Variants in ANKS1B observed in about 807,000 individuals in gnomAD.
ANKS1B encodes the protein ankyrin repeat and sterile alpha motif domain containing 1B.
ANKS1B carries 36 observed loss-of-function variants against 148.3 expected under a neutral mutation model. That is an observed-to-expected ratio of 0.24 (90% CI 0.19 to 0.32). The LOEUF (loss-of-function observed/expected upper bound fraction) is 0.32. Among genes scored for constraint, ANKS1B ranks in the 10% least tolerant of loss-of-function variants. The pLI is 1.00. For synonymous variants in ANKS1B, 542 were observed against 560.8 expected, an observed-to-expected ratio of 0.97 and a Z score of 0.47; for missense variants, 1,157 against 1,542.6, an observed-to-expected ratio of 0.75 and a Z score of 4.19.
chr12:99,772,784 T>A lies in ANKS1B; in HGVS notation c.1128+138A>T, dbSNP rs79055609. 2,508 of 869,826 alleles carry A rather than the reference T, an allele frequency of 2.9e-3. 54 individuals are homozygous for A. The African/African-American group carries it at 0.04, about 14-fold the overall frequency. The allele number at this position is 869,826 out of a possible 1,614,324, so 53.9% of individuals were successfully genotyped here. On this transcript the variant is annotated intron_variant, in intron 8 of 26. Transcript: ENST00000683438. ...ACTGCGAGTAAAACCCCAAAGAACG[T>A]CAGGAAAAGAGCAATAAGGAAACTG... is the stretch of plus-strand genomic sequence containing the variant.
chr12:99,099,648 A>G (rs1198792266), intron 15 of ANKS1B: 1 of 152,226 alleles, frequency 6.6e-6, no homozygotes, highest in Admixed American at 6.5e-5. Context: ...TTGGATAAAA[A>G]CACAAAATAT....
intron 1 of ANKS1B, among the ~76,000 whole-genome samples, chr12:99,841,945 T>C (rs570542399): frequency 5.9e-5 from 9 of 152,210 alleles, no homozygotes; most frequent in African/African-American, 1.7e-4. Context: ...CAAATGTCTA[T>C]TGGATATGTT....
chr12:99,353,777 C>A (rs1397590278), intron 12 of ANKS1B, among the ~76,000 whole-genome samples: 1 of 137,290 alleles, frequency 7.3e-6, no homozygotes, highest in East Asian at 2.2e-4. Context: ...CTTCTAGGGC[C>A]AGGTCCCTTA....
At chr12:99,854,592 G>C (rs2088653576) in intron 1 of ANKS1B, among the ~76,000 whole-genome samples, 1 of 152,140 alleles carries the variant, frequency 6.6e-6, no homozygotes. Flanking sequence ...TAGGTACACA[G>C]TCCTCAGTTT....
intron 9 of ANKS1B, among the ~76,000 whole-genome samples, chr12:99,607,690 G>T (rs1291229781): frequency 6.6e-6 from 1 of 152,026 alleles, no homozygotes; most frequent in Non-Finnish European, 1.5e-5. Flanking sequence ...TATGGAGAAG[G>T]CTTCTGAGAC....
chr12:99,011,165 C>T (rs1222607416), intron 17 of ANKS1B, among the ~76,000 whole-genome samples: 1 of 152,070 alleles, frequency 6.6e-6, no homozygotes, highest in Non-Finnish European at 1.5e-5. Flanking sequence ...ATCCAGATAC[C>T]TTGGCTGAGC....
intron 9 of ANKS1B, among the ~76,000 whole-genome samples, chr12:99,613,989 C>T (rs1193450737): frequency 6.6e-6 from 1 of 151,916 alleles, no homozygotes; most frequent in Non-Finnish European, 1.5e-5. Context: ...TTCTAAATAT[C>T]CCAGATTTAA....
chr12:99,841,564 T>C lies in ANKS1B; in HGVS notation c.135-16175A>G, dbSNP rs886751662. Among the ~76,000 whole-genome samples the C allele has an allele frequency of 3.3e-5, 5 of 152,192 alleles. No individual in the cohort carries two copies. The South Asian group carries it at 6.2e-4, about 19-fold the overall frequency. Reference sequence around the variant, plus strand: ...AGTTTCCAGAATAATTCAACCAACATAGAAATTGATTATGTTAATTGAATA... The same window carrying C: ...AGTTTCCAGAATAATTCAACCAACACAGAAATTGATTATGTTAATTGAATA... On this transcript the variant is annotated intron_variant, in intron 1 of 26. Transcript: ENST00000683438.
At chr12:99,307,432 C>T (rs1362296598) in intron 12 of ANKS1B, among the ~76,000 whole-genome samples, 1 of 152,028 alleles carries the variant, frequency 6.6e-6, no homozygotes, top group African/African-American at 2.4e-5. Context: ...GTGGGTGAAA[C>T]TCTCCCTGAA....
chr12:98,756,944 G>C (rs989705103), intron 25 of ANKS1B, among the ~76,000 whole-genome samples: 2 of 151,774 alleles, frequency 1.3e-5, no homozygotes, highest in African/African-American at 4.8e-5. Context: ...GGCCAGGCTG[G>C]TCTTGAACTC....
intron 9 of ANKS1B, among the ~76,000 whole-genome samples, chr12:99,598,163 T>C (rs968282292): frequency 2.6e-5 from 4 of 152,066 alleles, no homozygotes; most frequent in African/African-American, 7.2e-5. Flanking sequence ...AAAAATATGA[T>C]GTAACATTTT....
chr12:99,309,891 T>G (rs540030256), intron 12 of ANKS1B, among the ~76,000 whole-genome samples: 3 of 152,256 alleles, frequency 2.0e-5, no homozygotes, highest in African/African-American at 7.2e-5. Flanking sequence ...ATTTTAAAGC[T>G]CATTTTCTCT....
intron 25 of ANKS1B, among the ~76,000 whole-genome samples, chr12:98,755,661 T>C (rs893876666): frequency 2.6e-5 from 4 of 152,214 alleles, no homozygotes; most frequent in Non-Finnish European, 4.4e-5. Context: ...CCAAATCACA[T>C]GCAGTAGCAT....
At chr12:99,299,604 G>C (rs528675168) in intron 12 of ANKS1B, among the ~76,000 whole-genome samples, 1 of 152,142 alleles carries the variant, frequency 6.6e-6, no homozygotes, top group East Asian at 1.9e-4. Context: ...GTTTGTGGTT[G>C]CTGTTGTAAC....
chr12:99,544,211 T>C (rs2097152837), intron 9 of ANKS1B, among the ~76,000 whole-genome samples: 1 of 152,190 alleles, frequency 6.6e-6, no homozygotes, highest in Non-Finnish European at 1.5e-5. Flanking sequence ...TGAATGAGCA[T>C]ACAGTTTGTT....
chr12:99,283,581 C>T (rs2078748412), intron 12 of ANKS1B, among the ~76,000 whole-genome samples: 2 of 152,072 alleles, frequency 1.3e-5, no homozygotes, highest in South Asian at 4.1e-4. Flanking sequence ...TAACTGCTCA[C>T]CAAATAATTT....
chr12:98,914,266 G>T (rs2099790986), intron 17 of ANKS1B, among the ~76,000 whole-genome samples: 1 of 152,064 alleles, frequency 6.6e-6, no homozygotes. Context: ...TTTCAGCCAT[G>T]ATTGTAAGCT....
chr12:99,882,022 T>C (rs1390767300), intron 1 of ANKS1B, among the ~76,000 whole-genome samples: 1 of 152,168 alleles, frequency 6.6e-6, no homozygotes, highest in East Asian at 1.9e-4. Context: ...TCAAAGCAGC[T>C]ATTAAAAACA....
chr12:99,925,697 A>G (rs2094463393), intron 1 of ANKS1B, among the ~76,000 whole-genome samples: 1 of 152,170 alleles, frequency 6.6e-6, no homozygotes. Context: ...TGATCAGCCC[A>G]TTGAAAAAAA....
Sources: gnomAD v4.1 joint callset for allele counts (sites outside exome capture counted in the v4.1 genomes callset) on GRCh38, gnomAD v4.1.1 for gene constraint, MANE v1.5 for transcripts, NCBI Gene and HGNC (gene_info 2026-07-23, HGNC 2026-07-21) for gene names.